Variants in PLCB1 observed in about 807,000 individuals in gnomAD.
The protein encoded by PLCB1 is phospholipase C beta 1.
In PLCB1, 46 loss-of-function variants were observed where a neutral mutation model predicts 161.8. That is an observed-to-expected ratio of 0.28 (90% CI 0.22 to 0.36). The LOEUF is 0.36. Among genes scored for constraint, PLCB1 ranks in the 10% least tolerant of loss-of-function variants. The pLI is 1.00. For missense variants in PLCB1, 1,016 were observed against 1,472.5 expected (o/e 0.69, Z 5.07); for synonymous variants, 517 against 503.7 (o/e 1.03, Z -0.35).
intron 9 of PLCB1, among the ~76,000 whole-genome samples, chr20:8,677,479 GT>G (rs1363448897): frequency 6.6e-6 from 1 of 152,092 alleles, no homozygotes; most frequent in African/African-American, 2.4e-5. Flanking sequence ...AATAATTCAT[GT>G]TTTTTTCCAA....
intron 2 of PLCB1, among the ~76,000 whole-genome samples, chr20:8,230,477 T>C (rs767358452): frequency 1.3e-5 from 2 of 152,184 alleles, no homozygotes; most frequent in Non-Finnish European, 2.9e-5. Flanking sequence ...TTGTTAGGTA[T>C]AGTCATCCTA....
intron 31 of PLCB1, among the ~76,000 whole-genome samples, chr20:8,876,852 T>TAAC (rs1378488682): frequency 6.6e-6 from 1 of 152,134 alleles, no homozygotes; most frequent in Admixed American, 6.5e-5. Flanking sequence ...AGTAAACTTC[T>TAAC]AACTGTGAGA....
At chr20:8,376,943 A>G (rs1042308244) in intron 3 of PLCB1, among the ~76,000 whole-genome samples, 7 of 151,988 alleles carry the variant, frequency 4.6e-5, no homozygotes, top group Non-Finnish European at 8.8e-5. Flanking sequence ...AAAAAAAGAA[A>G]AAGAAAGAGA....
intron 3 of PLCB1, among the ~76,000 whole-genome samples, chr20:8,430,196 T>C (rs2122575004): frequency 6.6e-6 from 1 of 152,070 alleles, no homozygotes; most frequent in East Asian, 1.9e-4. Flanking sequence ...TGCCCTGATT[T>C]TGAGTTACAT....
intron 31 of PLCB1, among the ~76,000 whole-genome samples, chr20:8,876,712 G>C (rs1987793264): frequency 6.6e-6 from 1 of 152,126 alleles, no homozygotes; most frequent in Non-Finnish European, 1.5e-5. Flanking sequence ...GGTCAGCTAG[G>C]GGTGAGCTGG....
intron 2 of PLCB1, among the ~76,000 whole-genome samples, chr20:8,201,298 C>A (rs889199133): frequency 6.6e-6 from 1 of 151,860 alleles, no homozygotes; most frequent in African/African-American, 2.4e-5. Context: ...CTCTGTTTTT[C>A]TTATATTTTG....
At chr20:8,847,702 G>C (rs1986736850) in intron 31 of PLCB1, among the ~76,000 whole-genome samples, 1 of 152,160 alleles carries the variant, frequency 6.6e-6, no homozygotes, top group East Asian at 1.9e-4. Context: ...TAAGTCAGAG[G>C]TTCCCACAAC....
intron 2 of PLCB1, among the ~76,000 whole-genome samples, chr20:8,272,190 C>T (rs181679332): frequency 6.6e-6 from 1 of 151,744 alleles, no homozygotes; most frequent in African/African-American, 2.4e-5. Context: ...CGGTCAAGAA[C>T]AGTTAACTAA....
At chr20:8,307,552 GT>G (rs959232516) in intron 2 of PLCB1, among the ~76,000 whole-genome samples, 6 of 152,076 alleles carry the variant, frequency 3.9e-5, no homozygotes, top group African/African-American at 1.4e-4. Context: ...GTTTTTGAGG[GT>G]TTTTGGTGGG....
chr20:8,803,431 A>ATTTTTTTT (rs11404680), intron 31 of PLCB1, among the ~76,000 whole-genome samples: 2 of 138,366 alleles, frequency 1.4e-5, no homozygotes, highest in Non-Finnish European at 1.5e-5. Context: ...TGGGCCTTTG[A>ATTTTTTTT]TTTTTTTTTT....
rs1164116833 is a variant in PLCB1, at chr20:8,533,209, C to A, written c.247-95085C>A. ...GACATGAACTCATCATTTTTTATGG[C>A]TGCATAGCATTCCATGGTGTATATG... On this transcript the variant is annotated intron_variant, in intron 3 of 31. Coordinates refer to ENST00000338037, the MANE Select transcript of PLCB1 (RefSeq NM_015192.4). Among the ~76,000 whole-genome samples, 10 of 152,162 alleles carry A rather than the reference C, an allele frequency of 6.6e-5. No homozygotes were observed. In the East Asian group the frequency reaches 1.9e-3, roughly 29 times the overall value.
At chr20:8,233,337 G>A (rs1015614139) in intron 2 of PLCB1, among the ~76,000 whole-genome samples, 20 of 152,116 alleles carry the variant, frequency 1.3e-4, no homozygotes, top group African/African-American at 2.2e-4. Context: ...CAGATAAGGG[G>A]GAAATCAGAG....
intron 3 of PLCB1, among the ~76,000 whole-genome samples, chr20:8,618,354 T>C (rs899346254): frequency 1.3e-5 from 2 of 152,176 alleles, no homozygotes; most frequent in Non-Finnish European, 2.9e-5. Flanking sequence ...TAAATTTCCT[T>C]TCTATTCCCT....
At chr20:8,715,359 C>T (rs181406793) in intron 12 of PLCB1, among the ~76,000 whole-genome samples, 10 of 152,368 alleles carry the variant, frequency 6.6e-5, no homozygotes, top group East Asian at 5.8e-4. Context: ...AGCTGGCGGA[C>T]GCCGCCTTGT....
At chr20:8,318,721 C>G (rs1232410252) in intron 2 of PLCB1, among the ~76,000 whole-genome samples, 1 of 151,946 alleles carries the variant, frequency 6.6e-6, no homozygotes, top group Non-Finnish European at 1.5e-5. Flanking sequence ...TATTATGTTC[C>G]TGGAAAAGCA....
chr20:8,544,794 A>G (rs972251710), intron 3 of PLCB1, among the ~76,000 whole-genome samples: 1 of 152,222 alleles, frequency 6.6e-6, no homozygotes, highest in Non-Finnish European at 1.5e-5. Context: ...ACCAGCACCC[A>G]CATGTCTGAT....
intron 3 of PLCB1, among the ~76,000 whole-genome samples, chr20:8,417,994 G>A (rs1979377405): frequency 6.6e-6 from 1 of 152,226 alleles, no homozygotes; most frequent in Admixed American, 6.5e-5. Flanking sequence ...CCTCTGGCTG[G>A]ATTTCCTCCT....
At chr20:8,558,661 C>G (rs534156547) in intron 3 of PLCB1, among the ~76,000 whole-genome samples, 19 of 151,892 alleles carry the variant, frequency 1.3e-4, no homozygotes, top group African/African-American at 4.6e-4. Flanking sequence ...GTTGAAAGCT[C>G]TAGACAAAGA....
intron 9 of PLCB1, among the ~76,000 whole-genome samples, chr20:8,682,209 C>T (rs1990239022): frequency 6.6e-6 from 1 of 152,102 alleles, no homozygotes; most frequent in Non-Finnish European, 1.5e-5. Flanking sequence ...GTGTGAAAAG[C>T]ACGTGCCCAG....
Sources: gnomAD v4.1 joint callset for allele counts (sites outside exome capture counted in the v4.1 genomes callset) on GRCh38, gnomAD v4.1.1 for gene constraint, MANE v1.5 for transcripts, NCBI Gene and HGNC (gene_info 2026-07-23, HGNC 2026-07-21) for gene names.